The following AGO2 variants were observed in gnomAD, a reference collection of about 807,000 sequenced individuals.
AGO2 encodes the protein argonaute RISC catalytic component 2, also known as protein argonaute-2.
AGO2 carries 5 observed loss-of-function variants against 102.3 expected under a neutral mutation model. The ratio of observed to expected loss-of-function variants is 0.05; its 90% CI spans 0.03 to 0.10. The LOEUF (loss-of-function observed/expected upper bound fraction) is 0.10. Among genes scored for constraint, AGO2 ranks in the 10% least tolerant of loss-of-function variants. The pLI is 1.00. For synonymous variants in AGO2, 449 were observed against 473.1 expected (o/e 0.95, Z 0.66); for missense variants, 541 against 1,183.7 (o/e 0.46, Z 7.97).
intron 14 of AGO2, among the ~76,000 whole-genome samples, chr8:140,542,880 T>C (rs990162508): frequency 6.6e-6 from 1 of 152,136 alleles, no homozygotes; most frequent in Non-Finnish European, 1.5e-5. Context: ...GGCTCACGCC[T>C]GTCATCCCAG....
At chr8:140,614,936 G>A (rs2074121856) in intron 1 of AGO2, among the ~76,000 whole-genome samples, 1 of 152,196 alleles carries the variant, frequency 6.6e-6, no homozygotes, top group South Asian at 2.1e-4. Flanking sequence ...CTTCATCTGT[G>A]TGACTCTTGG....
chr8:140,613,070 G>C (rs962523760), intron 1 of AGO2, among the ~76,000 whole-genome samples: 3 of 151,970 alleles, frequency 2.0e-5, no homozygotes, highest in African/African-American at 7.2e-5. Context: ...TGTGGTGGCA[G>C]ACGCCCGTAG....
rs1326373134 is a variant in AGO2, at chr8:140,544,248, G to A, written c.1804C>T (p.Pro602Ser). 1.3e-6 allele frequency: 2 copies of A among 1,597,652 alleles called. No individual in the cohort carries two copies. Among genetic ancestry groups the A allele is most frequent in the Non-Finnish European group, 8.5e-7 (1 of 1,173,774 alleles). ...IFLGADVTHPPAGDGKKPSIA... is the reference protein window; with the variant it reads ...IFLGADVTHPSAGDGKKPSIA... ...GAGGGCTTCTTCCCATCCCCGGCGG[G>A]GGGGTGAGTGACGTCTGCTCCCAGA... The change falls in exon 14 of 19, where the codon CCC becomes TCC. Residue 602 changes from proline to serine, a missense_variant. Pro to Ser is a moderately conservative substitution (Grantham distance 74). Transcript: ENST00000220592.
At chr8:140,607,261 T>A (rs980870726) in intron 1 of AGO2, among the ~76,000 whole-genome samples, 2 of 150,482 alleles carry the variant, frequency 1.3e-5, no homozygotes, top group Middle Eastern at 3.4e-3. Flanking sequence ...AAAAAAAAAA[T>A]TCTATAATTT....
At chr8:140,548,803 A>G (rs936376936) in intron 12 of AGO2, among the ~76,000 whole-genome samples, 3 of 152,276 alleles carry the variant, frequency 2.0e-5, no homozygotes, top group East Asian at 3.9e-4. Flanking sequence ...TGCGTTAAAC[A>G]AACGTTCCCC....
intron 10 of AGO2, among the ~76,000 whole-genome samples, chr8:140,552,736 GCGCGCACACACACACACACA>G (rs1212180652): frequency 5.9e-4 from 79 of 132,992 alleles, no homozygotes; most frequent in African/African-American, 5.0e-4. Flanking sequence ...GCACGCGCGC[GCGCGCACACACACACACACA>G]CACACACACA....
At chr8:140,550,806 G>A (rs1289773229) in intron 11 of AGO2, among the ~76,000 whole-genome samples, 2 of 152,178 alleles carry the variant, frequency 1.3e-5, no homozygotes, top group Non-Finnish European at 1.5e-5. Flanking sequence ...GTAGAGATGG[G>A]CTGGTCTCAA....
chr8:140,545,519 C>T (rs180965275), intron 13 of AGO2, among the ~76,000 whole-genome samples: 81 of 152,292 alleles, frequency 5.3e-4, no homozygotes, highest in African/African-American at 1.9e-3. Flanking sequence ...ATTCCTGGAT[C>T]CTGTCTCCCC....
chr8:140,561,275 T>C (rs1330689323), intron 4 of AGO2, among the ~76,000 whole-genome samples: 1 of 152,226 alleles, frequency 6.6e-6, no homozygotes, highest in Non-Finnish European at 1.5e-5. Flanking sequence ...TGAGCCTCGA[T>C]GCTCCCTACT....
chr8:140,536,577 G>A (rs10875455), intron 16 of AGO2, among the ~76,000 whole-genome samples: 25,804 of 152,082 alleles, frequency 0.17, 2,508 homozygotes, highest in East Asian at 0.33. Flanking sequence ...TGCCTGCCTC[G>A]GCCTCCCAAA....
At chr8:140,545,868 C>T (rs939934478) in intron 13 of AGO2, among the ~76,000 whole-genome samples, 10 of 152,250 alleles carry the variant, frequency 6.6e-5, no homozygotes, top group African/African-American at 2.4e-4. Context: ...GTGCCTCCGA[C>T]GGCCCCAGCT....
chr8:140,594,509 T>C (rs549609347), intron 1 of AGO2, among the ~76,000 whole-genome samples: 26 of 152,160 alleles, frequency 1.7e-4, no homozygotes, highest in South Asian at 1.2e-3. Flanking sequence ...GATTTTTGGC[T>C]GGGTGTGGTG....
intron 1 of AGO2, among the ~76,000 whole-genome samples, chr8:140,603,768 G>A (rs967797009): frequency 8.5e-5 from 13 of 152,234 alleles, no homozygotes; most frequent in Admixed American, 2.0e-4. Flanking sequence ...CTGCTGTGGC[G>A]GACTGGGCTG....
chr8:140,599,245 T>C (rs1356230383), intron 1 of AGO2, among the ~76,000 whole-genome samples: 2 of 152,160 alleles, frequency 1.3e-5, no homozygotes, highest in African/African-American at 4.8e-5. Context: ...TGAGCGTCCG[T>C]TATGTGGTGG....
intron 3 of AGO2, among the ~76,000 whole-genome samples, chr8:140,568,756 CA>C (rs1300550062): frequency 6.6e-6 from 1 of 152,218 alleles, no homozygotes; most frequent in African/African-American, 2.4e-5. Flanking sequence ...ATCATGTCTG[CA>C]AAGTGTAGTG....
intron 1 of AGO2, among the ~76,000 whole-genome samples, chr8:140,615,947 G>A (rs567626671): frequency 6.6e-6 from 1 of 152,226 alleles, no homozygotes; most frequent in East Asian, 1.9e-4. Flanking sequence ...CCCATTCTGA[G>A]GGCATTTTGT....
intron 1 of AGO2, among the ~76,000 whole-genome samples, chr8:140,613,086 G>A (rs991856345): frequency 2.0e-5 from 3 of 151,914 alleles, no homozygotes; most frequent in Non-Finnish European, 4.4e-5. Context: ...CGTAGTCCCA[G>A]CTACTCGGGA....
rs541358250 is a variant in AGO2 at position 140,524,006 on chromosome 8, G to A, written c.*8038C>T. On this transcript the variant is annotated 3_prime_UTR_variant, in exon 19 of 19. Transcript: ENST00000220592. ...TTGGCCAAGAAACTGCTCAATACCT[G>A]GCTTGAAAAAGCTAGAGATAAAAAC... is the stretch of plus-strand genomic sequence containing the variant. The A allele has an allele frequency of 1.3e-5, 2 of 152,316 alleles. No homozygotes were observed. The highest frequency in any genetic ancestry group is 3.9e-4 in the East Asian group (2 of 5,186). The allele number at this position is 152,316 out of a possible 1,614,324, so 9.4% of individuals were successfully genotyped here. A position where few individuals can be genotyped will look rare whatever the true frequency, so the allele number is the denominator to read the frequency against.
At chr8:140,590,052 C>T (rs1465213611) in intron 1 of AGO2, among the ~76,000 whole-genome samples, 1 of 152,192 alleles carries the variant, frequency 6.6e-6, no homozygotes, top group African/African-American at 2.4e-5. Flanking sequence ...TCCTGTCAGC[C>T]GGAGTGCAGA....
Sources: allele counts gnomAD v4.1 joint callset (sites outside exome capture counted in the v4.1 genomes callset), GRCh38; gene constraint gnomAD v4.1.1; transcripts MANE v1.5; gene names NCBI Gene and HGNC (gene_info 2026-07-23, HGNC 2026-07-21).